The following SETD2 variants were observed in gnomAD, a reference collection of about 807,000 sequenced individuals.
SETD2 encodes SET domain containing 2, histone lysine methyltransferase.
In SETD2, 31 loss-of-function variants were observed where a neutral mutation model predicts 242.1. The ratio of observed to expected loss-of-function variants is 0.13; its 90% CI spans 0.10 to 0.17. The LOEUF (loss-of-function observed/expected upper bound fraction) is 0.17. Among genes scored for constraint, SETD2 ranks in the 10% least tolerant of loss-of-function variants. SETD2 has a pLI of 1.00. For missense variants in SETD2, 2,481 were observed against 3,046.3 expected (o/e 0.81, Z 4.37); for synonymous variants, 1,006 against 1,066.5 (o/e 0.94, Z 1.11).
intron 18 of SETD2, among the ~76,000 whole-genome samples, chr3:47,023,022 T>C (rs2038301482): frequency 6.6e-6 from 1 of 152,196 alleles, no homozygotes; most frequent in Non-Finnish European, 1.5e-5. Context: ...CAAGAGGGTA[T>C]GGCTTGAGTT....
intron 15 of SETD2, among the ~76,000 whole-genome samples, chr3:47,050,520 A>C (rs982682047): frequency 1.3e-5 from 2 of 152,166 alleles, no homozygotes; most frequent in Middle Eastern, 3.2e-3. Flanking sequence ...CAAATGCTAC[A>C]AAATATGAAA....
chr3:47,109,893 G>A (rs1424369236), intron 5 of SETD2, among the ~76,000 whole-genome samples: 1 of 151,678 alleles, frequency 6.6e-6, no homozygotes, highest in Admixed American at 6.6e-5. Context: ...GGCTGAGGCA[G>A]GAGAATCACT....
In SETD2 at chr3:47,116,675, C is replaced by T; in HGVS notation, c.4534G>A (p.Gly1512Ser). ...CAATCTTCCCCACATGCTATTTCACCTTGAGCTCTTTCATCTTTAGAAAGA... is the reference window on the plus strand; with the variant it reads ...CAATCTTCCCCACATGCTATTTCACTTTGAGCTCTTTCATCTTTAGAAAGA... ...TPLSKDERAQ[G>S]EIACGEDCLN... The change falls in exon 4 of 21, where the codon GGT becomes AGT. Residue 1512 changes from glycine to serine, a missense_variant. Around this residue, in one of 17 missense-constraint regions of SETD2, gnomAD observed 48 missense variants for 76.6 expected, o/e 0.63. Transcript: ENST00000409792. 1 of 1,612,850 alleles carries T rather than the reference C, an allele frequency of 6.2e-7. No homozygotes were observed. Among genetic ancestry groups the T allele is most frequent in the South Asian group, 1.1e-5 (1 of 91,052 alleles).
intron 8 of SETD2, 83 bp downstream of exon 8, chr3:47,101,375 T>C: frequency 1.3e-6 from 1 of 751,310 alleles, no homozygotes; most frequent in Non-Finnish European, 2.3e-6. Context: ...TTTTAAGTAA[T>C]TTATATTAAA....
At chr3:47,107,475 A>T (rs2042473048) in intron 5 of SETD2, among the ~76,000 whole-genome samples, 2 of 151,696 alleles carry the variant, frequency 1.3e-5, no homozygotes, top group South Asian at 4.1e-4. Flanking sequence ...ATATATATTT[A>T]TATAGTAGTC....
chr3:47,158,842 TGTTA>T (rs1273822338), intron 1 of SETD2, among the ~76,000 whole-genome samples: 1 of 152,254 alleles, frequency 6.6e-6, no homozygotes, highest in Non-Finnish European at 1.5e-5. Context: ...TACTGTAGTT[TGTTA>T]TTTATATTAG....
At chr3:47,041,072 G>A (rs1465719995) in intron 17 of SETD2, among the ~76,000 whole-genome samples, 1 of 152,154 alleles carries the variant, frequency 6.6e-6, no homozygotes, top group Non-Finnish European at 1.5e-5. Flanking sequence ...ATAAAATAGT[G>A]AAGACCTATC....
intron 15 of SETD2, among the ~76,000 whole-genome samples, chr3:47,047,501 T>C (rs554050189): frequency 1.1e-4 from 17 of 152,196 alleles, no homozygotes; most frequent in Admixed American, 2.0e-4. Flanking sequence ...TCCTATGGAC[T>C]GAGATTCTAG....
At chr3:47,042,794 C>A (rs531818479) in intron 16 of SETD2, 94 bp from the exon 17 acceptor site, 1 of 1,067,770 alleles carries the variant, frequency 9.4e-7, no homozygotes, top group South Asian at 1.6e-5. Context: ...TAAAAATGTA[C>A]ATCTACCTCC....
intron 18 of SETD2, among the ~76,000 whole-genome samples, chr3:47,021,866 A>T (rs1441477558): frequency 1.3e-5 from 2 of 152,158 alleles, no homozygotes; most frequent in Non-Finnish European, 1.5e-5. Context: ...TTAGCAGGTA[A>T]GGCTGGGTGT....
intron 15 of SETD2, among the ~76,000 whole-genome samples, chr3:47,049,747 A>AT (rs2039723056): frequency 8.3e-5 from 3 of 36,080 alleles, no homozygotes; most frequent in Non-Finnish European, 2.0e-4. Context: ...ATTATATATT[A>AT]TATATATAAA....
Position 47,085,285 on chromosome 3 carries a change from T to C in SETD2, c.5398-903A>G, listed in dbSNP as rs149319241. On this transcript the variant is annotated intron_variant, in intron 11 of 20. Transcript: ENST00000409792. ...GTAGCTTTTTAAACATATACACTAC[T>C]GGACCAATCCTGGGTATCTTTTCTT... Among the ~76,000 whole-genome samples the C allele has an allele frequency of 5.9e-5, 9 of 152,344 alleles. No homozygotes were observed. In the East Asian group the frequency reaches 1.7e-3, roughly 29 times the overall value.
intron 17 of SETD2, 49 bp downstream of exon 17, chr3:47,042,512 T>C (rs1559656503): frequency 6.2e-7 from 1 of 1,605,304 alleles, no homozygotes; most frequent in South Asian, 1.1e-5. Context: ...TGGCAACTTC[T>C]TTGATTAAGT....
intron 1 of SETD2, among the ~76,000 whole-genome samples, chr3:47,140,023 C>T (rs144932938): frequency 2.4e-4 from 37 of 152,318 alleles, no homozygotes; most frequent in African/African-American, 8.2e-4. Context: ...ACTATTCTTA[C>T]ACCCCAAAAA....
At chr3:47,025,851 C>G (rs1376879398) in intron 18 of SETD2, among the ~76,000 whole-genome samples, 2 of 152,142 alleles carry the variant, frequency 1.3e-5, no homozygotes, top group African/African-American at 2.4e-5. Context: ...CCATAAAAAG[C>G]CTAGAAGAAA....
rs545512385 is a variant in SETD2 at position 47,081,330 on chromosome 3, T to A, written c.6060+2390A>T. On this transcript the variant is annotated intron_variant, in intron 12 of 20. Coordinates refer to ENST00000409792, the MANE Select transcript of SETD2 (RefSeq NM_014159.7). ...CACCAATGTTATGGTGGCCCCCGGT[T>A]GGCTGGGGAGACTTGAAATGGCCAT... is the stretch of plus-strand genomic sequence containing the variant. Among the ~76,000 whole-genome samples the A allele has an allele frequency of 1.2e-4, 18 of 152,332 alleles. No homozygotes were observed. In the East Asian group the frequency reaches 3.5e-3, roughly 29 times the overall value.
At chr3:47,047,960 G>A (rs775605161) in intron 15 of SETD2, among the ~76,000 whole-genome samples, 22 of 152,124 alleles carry the variant, frequency 1.4e-4, no homozygotes, top group Non-Finnish European at 2.5e-4. Context: ...AGATACCTAG[G>A]CTATATGGTA....
At chr3:47,085,034 C>G (rs964700029) in intron 11 of SETD2, among the ~76,000 whole-genome samples, 5 of 151,974 alleles carry the variant, frequency 3.3e-5, no homozygotes, top group African/African-American at 7.2e-5. Flanking sequence ...GCCTGGCCTA[C>G]AGTTGACTTT....
intron 9 of SETD2, among the ~76,000 whole-genome samples, chr3:47,093,132 T>C (rs2041870765): frequency 6.6e-6 from 1 of 152,168 alleles, no homozygotes; most frequent in South Asian, 2.1e-4. Context: ...CATAGGTATA[T>C]AAAATTTTGT....
Sources: gnomAD v4.1 joint callset for allele counts (sites outside exome capture counted in the v4.1 genomes callset) on GRCh38, gnomAD v4.1.1 for gene constraint, gnomAD v4.1.1 regional missense constraint, MANE v1.5 for transcripts, NCBI Gene and HGNC (gene_info 2026-07-23, HGNC 2026-07-21) for gene names.